The following SERPINB8 variants were observed in gnomAD, a reference collection of about 807,000 sequenced individuals.
SERPINB8 encodes the protein serpin family B member 8.
Under a neutral mutation model 35.3 loss-of-function variants are expected in SERPINB8, and 25 were observed. The ratio of observed to expected loss-of-function variants is 0.71; its 90% CI spans 0.52 to 0.99. The LOEUF (loss-of-function observed/expected upper bound fraction) is 0.99. Ranked by LOEUF, SERPINB8 falls within the 50% of genes least tolerant of loss-of-function variation. SERPINB8 has a pLI of 0.00. For missense variants in SERPINB8, 484 were observed against 446.5 expected (o/e 1.08, Z -0.76); for synonymous variants, 186 against 160.8 (o/e 1.16, Z -1.19).
intron 1 of SERPINB8, among the ~76,000 whole-genome samples, chr18:64,004,562 A>G (rs564768647): frequency 6.0e-4 from 91 of 152,344 alleles, no homozygotes; most frequent in Non-Finnish European, 1.0e-3. Flanking sequence ...TTAAAAGATT[A>G]TGATAAGATC....
At chr18:63,985,374 A>G in intron 6 of SERPINB8, 129 bp downstream of exon 6, 1 of 945,094 alleles carries the variant, frequency 1.1e-6, no homozygotes, top group Non-Finnish European at 1.6e-6. Context: ...GGTGAACATC[A>G]TTGTGTGTCT....
downstream of SERPINB8, among the ~76,000 whole-genome samples, chr18:64,006,936 G>A (rs2050902665): frequency 6.6e-6 from 1 of 151,894 alleles, no homozygotes; most frequent in Admixed American, 6.6e-5. Flanking sequence ...TGTGTAAGTA[G>A]AATAAACCCA....
At chr18:63,993,931 GC>G (rs2050836425), downstream of SERPINB8, among the ~76,000 whole-genome samples, 1 of 152,276 alleles carries the variant, frequency 6.6e-6, no homozygotes, top group East Asian at 1.9e-4. Flanking sequence ...GGGAGCAGAG[GC>G]CTTCGCTGAG....
chr18:63,995,306 C>A (rs9945083), intron 1 of SERPINB8, among the ~76,000 whole-genome samples: 256 of 152,276 alleles, frequency 1.7e-3, no homozygotes, highest in African/African-American at 4.8e-3. Context: ...TGACTAGAAG[C>A]CCTAGCCAAT....
intron 1 of SERPINB8, among the ~76,000 whole-genome samples, chr18:64,003,323 G>A (rs2050884832): frequency 6.6e-6 from 1 of 152,184 alleles, no homozygotes; most frequent in South Asian, 2.1e-4. Flanking sequence ...GTCTGAGGAA[G>A]TGCAGGTGGG....
intron 6 of SERPINB8, chr18:63,986,316 A>G: frequency 1.2e-6 from 2 of 1,607,822 alleles, no homozygotes; most frequent in Non-Finnish European, 1.7e-6. Context: ...GAGGACAAAC[A>G]AGGATGCTGA....
chr18:64,001,980 C>T (rs2050877560), intron 1 of SERPINB8, among the ~76,000 whole-genome samples: 1 of 152,168 alleles, frequency 6.6e-6, no homozygotes, highest in East Asian at 1.9e-4. Context: ...TGAAATGCTT[C>T]CAGTTGCGGA....
chr18:64,008,563 A>G (rs1024006633), downstream of SERPINB8, among the ~76,000 whole-genome samples: 1 of 151,974 alleles, frequency 6.6e-6, no homozygotes, highest in Admixed American at 6.6e-5. Flanking sequence ...ACTCTTATTC[A>G]GTAGTGAACC....
At chr18:64,010,511 T>C (rs1211784019), downstream of SERPINB8, among the ~76,000 whole-genome samples, 2 of 152,174 alleles carry the variant, frequency 1.3e-5, no homozygotes, top group African/African-American at 4.8e-5. Context: ...ATTGCACTCA[T>C]ACAGTAGAAT....
At chr18:64,003,964 C>T (rs752791036) in intron 1 of SERPINB8, among the ~76,000 whole-genome samples, 7 of 152,186 alleles carry the variant, frequency 4.6e-5, no homozygotes, top group Non-Finnish European at 7.3e-5. Context: ...AATTGATAAA[C>T]AGAATTAACC....
At chr18:64,001,577 G>A (rs755946113) in intron 1 of SERPINB8, among the ~76,000 whole-genome samples, 5 of 151,934 alleles carry the variant, frequency 3.3e-5, no homozygotes, top group Non-Finnish European at 7.4e-5. Context: ...TGCAACCTCC[G>A]CCTCCTGGGT....
intron 1 of SERPINB8, among the ~76,000 whole-genome samples, chr18:63,974,971 G>A (rs558366270): frequency 2.6e-5 from 4 of 152,074 alleles, no homozygotes; most frequent in Non-Finnish European, 4.4e-5. Context: ...GAAGGAAGAG[G>A]AAAGATGGAA....
At position 64,014,064 on chromosome 18, in the gene SERPINB8, G is replaced by A. The variant is rs1241286319; in HGVS notation, c.*3-4846G>A. ...CTAAAGGTAATTTGGACTACTATAT[G>A]GAGAATAAAATAAAAGGAGGCAAAA... On this transcript the variant is annotated intron_variant, in intron 7 of 7. Coordinates refer to the SERPINB8 transcript ENST00000636430. Among the ~76,000 whole-genome samples the A allele has an allele frequency of 2.0e-5, 3 of 152,146 alleles. No individual in the cohort carries two copies. The East Asian group carries it at 5.8e-4, about 29-fold the overall frequency.
chr18:63,986,180 C>A, intron 6 of SERPINB8: 1 of 1,339,184 alleles, frequency 7.5e-7, no homozygotes, highest in Non-Finnish European at 1.1e-6. Context: ...CCCACCTGGG[C>A]TCCAGTTGTT....
At chr18:63,975,408 A>G (rs1189354260) in intron 1 of SERPINB8, among the ~76,000 whole-genome samples, 1 of 152,128 alleles carries the variant, frequency 6.6e-6, no homozygotes, top group Non-Finnish European at 1.5e-5. Flanking sequence ...CTGCCTTCCA[A>G]CATCTGCAGA....
intron 7 of SERPINB8, among the ~76,000 whole-genome samples, chr18:64,011,821 C>T (rs2050927174): frequency 6.6e-6 from 1 of 152,218 alleles, no homozygotes; most frequent in Middle Eastern, 3.4e-3. Context: ...TTTATAGGGA[C>T]TAAGAAAGGC....
downstream of SERPINB8, among the ~76,000 whole-genome samples, chr18:63,990,667 TC>T (rs1287867571): frequency 5.1e-5 from 5 of 98,562 alleles, no homozygotes; most frequent in Admixed American, 1.1e-4. Flanking sequence ...CCCTCATCCC[TC>T]CCCCCCACCC....
At chr18:64,000,427 A>G (rs1428363039) in intron 1 of SERPINB8, among the ~76,000 whole-genome samples, 2 of 152,172 alleles carry the variant, frequency 1.3e-5, no homozygotes, top group African/African-American at 4.8e-5. Flanking sequence ...TCAGGACAAA[A>G]TCCTAAATGG....
intron 1 of SERPINB8, among the ~76,000 whole-genome samples, chr18:64,003,908 T>C (rs963255937): frequency 6.6e-6 from 1 of 152,166 alleles, no homozygotes; most frequent in African/African-American, 2.4e-5. Flanking sequence ...CAGACATACC[T>C]AGCATAATGA....
Sources: gnomAD v4.1 joint callset for allele counts (sites outside exome capture counted in the v4.1 genomes callset) on GRCh38, gnomAD v4.1.1 for gene constraint, MANE v1.5 for transcripts, NCBI Gene and HGNC (gene_info 2026-07-23, HGNC 2026-07-21) for gene names.